The following RGS7 variants were observed in gnomAD, a reference collection of about 807,000 sequenced individuals.
RGS7 encodes the protein regulator of G-protein signaling 7.
Under a neutral mutation model 81.1 loss-of-function variants are expected in RGS7, and 27 were observed. That is an observed-to-expected ratio of 0.33 (90% confidence interval 0.25 to 0.46). The LOEUF is 0.46. Among genes scored for constraint, RGS7 ranks in the 20% least tolerant of loss-of-function variants. RGS7 has a pLI of 1.00. For synonymous variants in RGS7, 208 were observed against 207.7 expected, an observed-to-expected ratio of 1.00 and a Z score of -0.01; for missense variants, 396 against 607.4, an observed-to-expected ratio of 0.65 and a Z score of 3.66.
At chr1:241,147,818 A>G (rs1188049136) in intron 2 of RGS7, among the ~76,000 whole-genome samples, 1 of 133,796 alleles carries the variant, frequency 7.5e-6, no homozygotes, top group Non-Finnish European at 1.6e-5. Flanking sequence ...ATATATATAT[A>G]TGTAAGAATC....
chr1:240,967,787 C>T (rs1682581904), intron 4 of RGS7, among the ~76,000 whole-genome samples: 1 of 152,130 alleles, frequency 6.6e-6, no homozygotes, highest in Non-Finnish European at 1.5e-5. Context: ...TTAGCTATGG[C>T]TATCTCAGGG....
chr1:241,084,821 C>T (rs907245661), intron 3 of RGS7, among the ~76,000 whole-genome samples: 2 of 152,204 alleles, frequency 1.3e-5, no homozygotes, highest in East Asian at 1.9e-4. Context: ...AGATGAAACA[C>T]AGAAATGGCT....
chr1:240,948,274 G>A lies in RGS7; in HGVS notation c.227-11568C>T, dbSNP rs187910611. Among the ~76,000 whole-genome samples the A allele has an allele frequency of 1.3e-3, 191 of 152,144 alleles. 1 individual carries two copies. Among genetic ancestry groups the A allele is most frequent in the African/African-American group, 4.4e-3 (183 of 41,492 alleles). On this transcript the variant is annotated intron_variant, in intron 4 of 18. Transcript: ENST00000440928. ...TTTGCTTGGTTGGTTTTAGTGGTTT[G>A]TTTGCTTGATCTACTCTCTGACAGT... is the stretch of plus-strand genomic sequence containing the variant.
Position 240,784,455 on chromosome 1 carries a change from A to T in RGS7, c.*7-8242T>A, listed in dbSNP as rs565640375. 1.1e-4 allele frequency among the ~76,000 whole-genome samples: 16 copies of T among 151,726 alleles called. No individual in the cohort carries two copies. The East Asian group carries it at 3.1e-3, about 30-fold the overall frequency. On this transcript the variant is annotated intron_variant, in intron 18 of 18. Transcript: ENST00000440928. Reference sequence around the variant, plus strand: ...GGAGATTGAGACCATCCTGGCTAACACAGTGAAACCTCGTCTCTACAAAAA... The same window carrying T: ...GGAGATTGAGACCATCCTGGCTAACTCAGTGAAACCTCGTCTCTACAAAAA...
intron 18 of RGS7, among the ~76,000 whole-genome samples, chr1:240,781,357 G>A (rs1390577256): frequency 2.0e-5 from 3 of 152,180 alleles, no homozygotes; most frequent in South Asian, 2.1e-4. Flanking sequence ...TGTAACCCCC[G>A]CACTTTGGGA....
intron 2 of RGS7, among the ~76,000 whole-genome samples, chr1:241,279,637 G>A (rs2078396786): frequency 6.6e-6 from 1 of 152,096 alleles, no homozygotes; most frequent in Non-Finnish European, 1.5e-5. Flanking sequence ...TGCTGAAATT[G>A]GCATAGTGAA....
intron 6 of RGS7, 116 bp from the exon 7 acceptor site, chr1:240,870,235 T>A: frequency 4.6e-6 from 4 of 861,398 alleles, no homozygotes; most frequent in Non-Finnish European, 7.8e-6. Flanking sequence ...TAATTTTTGA[T>A]CATTTTCTTA....
chr1:241,128,276 C>CAA (rs58934562), intron 2 of RGS7, among the ~76,000 whole-genome samples: 14,014 of 115,062 alleles, frequency 0.12, 2,469 homozygotes, highest in African/African-American at 0.4. Context: ...GACTCCGTCT[C>CAA]AAAAAAAAAA....
chr1:241,289,634 C>T (rs1156612535), intron 2 of RGS7, among the ~76,000 whole-genome samples: 2 of 152,112 alleles, frequency 1.3e-5, no homozygotes, highest in African/African-American at 4.8e-5. Flanking sequence ...GGTTCACTCA[C>T]CAAACAAATA....
rs145342989 is a variant in RGS7, at chr1:241,025,568, C to A, written c.176-42439G>T. Among the ~76,000 whole-genome samples, 797 of 152,180 alleles carry A rather than the reference C, an allele frequency of 5.2e-3. 7 individuals carry two copies. The highest frequency in any genetic ancestry group is 0.018 in the African/African-American group (751 of 41,512). On this transcript the variant is annotated intron_variant, in intron 3 of 18. Coordinates refer to ENST00000440928, the MANE Select transcript of RGS7 (RefSeq NM_001364886.1). ...TACTGCCTAGGGGCTGTGCAGGGAG[C>A]TTTTCATATTCCACATTGCTGAGAA...
In RGS7 at chr1:240,842,199, A is replaced by ATTTTTTTTTTTTTT. The variant is rs568381066; in HGVS notation, c.610-15041_610-15028dup. 8.9e-4 allele frequency among the ~76,000 whole-genome samples: 70 copies of ATTTTTTTTTTTTTT among 78,706 alleles called. 13 individuals are homozygous for ATTTTTTTTTTTTTT. The highest frequency in any genetic ancestry group is 1.9e-3 in the African/African-American group (41 of 21,350). The allele number at this position is 78,706 out of a possible 152,430, so 51.6% of individuals were successfully genotyped here. A position where few individuals can be genotyped will look rare whatever the true frequency, so the allele number is the denominator to read the frequency against. On this transcript the variant is annotated intron_variant, in intron 9 of 18. Coordinates refer to ENST00000440928, the MANE Select transcript of RGS7 (RefSeq NM_001364886.1). ...TGATTTCAGATTATGTTTGTCAGGA[A>ATTTTTTTTTTTTTT]TTTTTTTTTTTTTTTTTGAGACAGA...
At chr1:241,148,892 A>C (rs1286293396) in intron 2 of RGS7, among the ~76,000 whole-genome samples, 1 of 152,258 alleles carries the variant, frequency 6.6e-6, no homozygotes, top group East Asian at 1.9e-4. Flanking sequence ...AGCACTGTAG[A>C]GTTTATAACA....
chr1:241,045,302 T>G (rs993876548), intron 3 of RGS7, among the ~76,000 whole-genome samples: 1 of 152,194 alleles, frequency 6.6e-6, no homozygotes, highest in African/African-American at 2.4e-5. Context: ...TACCTTCTCT[T>G]TTGCATAAAT....
chr1:241,309,753 C>A (rs913036144), intron 2 of RGS7, among the ~76,000 whole-genome samples: 2 of 152,196 alleles, frequency 1.3e-5, no homozygotes, highest in Non-Finnish European at 2.9e-5. Context: ...GAAAGGAATG[C>A]AGATTGTGAC....
At chr1:241,342,597 A>G (rs2082629150) in intron 2 of RGS7, among the ~76,000 whole-genome samples, 1 of 152,316 alleles carries the variant, frequency 6.6e-6, no homozygotes, top group Middle Eastern at 3.4e-3. Flanking sequence ...CATGATCAAA[A>G]AGCTAGCTCA....
At chr1:240,975,383 C>T (rs2148526151) in intron 4 of RGS7, among the ~76,000 whole-genome samples, 1 of 151,610 alleles carries the variant, frequency 6.6e-6, no homozygotes, top group East Asian at 2.0e-4. Context: ...GCCTGGGCAA[C>T]AGAGCAAGAC....
At chr1:240,797,878 T>C (rs1388854424) in intron 18 of RGS7, among the ~76,000 whole-genome samples, 1 of 152,150 alleles carries the variant, frequency 6.6e-6, no homozygotes, top group African/African-American at 2.4e-5. Context: ...AAACAAGACA[T>C]GAAAAGGAGC....
intron 3 of RGS7, among the ~76,000 whole-genome samples, chr1:241,074,035 A>G (rs2493009): frequency 0.27 from 40,446 of 151,438 alleles, 5,672 homozygotes; most frequent in African/African-American, 0.31. Context: ...CGAGTAGCTG[A>G]GATTACAGGC....
rs1053707392 is a variant in RGS7 at position 240,999,804 on chromosome 1, T to A, written c.176-16675A>T. Among the ~76,000 whole-genome samples, 7 of 151,818 alleles carry A rather than the reference T, an allele frequency of 4.6e-5. 1 individual carries two copies. The highest frequency in any genetic ancestry group is 1.7e-4 in the African/African-American group (7 of 41,306). ...TCCCAGTAGAGACGGGGTTTCGCCA[T>A]GTCGGCCAGGCTGTTCCCAAACTCT... On this transcript the variant is annotated intron_variant, in intron 3 of 18. Transcript: ENST00000440928.
Sources: allele counts gnomAD v4.1 joint callset (sites outside exome capture counted in the v4.1 genomes callset), GRCh38; gene constraint gnomAD v4.1.1; transcripts MANE v1.5; gene names NCBI Gene and HGNC (gene_info 2026-07-23, HGNC 2026-07-21).